The following MGAT4C variants were observed in gnomAD, a reference collection of about 807,000 sequenced individuals.
MGAT4C encodes the protein MGAT4 family member C.
MGAT4C carries 19 observed loss-of-function variants against 40.1 expected under a neutral mutation model. That is an observed-to-expected ratio of 0.47 (90% CI 0.33 to 0.70). The LOEUF (loss-of-function observed/expected upper bound fraction) is 0.70, where lower values mean the gene tolerates loss of function less well. MGAT4C is among the 30% of genes least tolerant of loss of function. The probability of loss-of-function intolerance (pLI) is 0.02; values close to 1 mark genes in which losing one functional copy is unlikely to be tolerated. For synonymous variants in MGAT4C, 181 were observed against 187.1 expected (o/e 0.97, Z 0.27); for missense variants, 491 against 563.2 (o/e 0.87, Z 1.30).
At chr12:86,566,587 T>C (rs1960130255) in intron 2 of MGAT4C, among the ~76,000 whole-genome samples, 1 of 139,384 alleles carries the variant, frequency 7.2e-6, no homozygotes, top group Non-Finnish European at 1.6e-5. Context: ...TATATGTATA[T>C]ATATGTATTA....
intron 2 of MGAT4C, among the ~76,000 whole-genome samples, chr12:86,716,252 T>C (rs766839289): frequency 6.6e-6 from 1 of 152,144 alleles, no homozygotes; most frequent in Non-Finnish European, 1.5e-5. Context: ...AACTACTGAA[T>C]TTGTGCCAAA....
intron 2 of MGAT4C, among the ~76,000 whole-genome samples, chr12:86,726,343 G>A (rs1244482068): frequency 6.6e-6 from 1 of 152,164 alleles, no homozygotes; most frequent in African/African-American, 2.4e-5. Flanking sequence ...GCAGGTGACA[G>A]GTCTGATAGA....
chr12:86,601,894 T>C lies in MGAT4C; in HGVS notation c.-229+125315A>G, dbSNP rs142490552. 6.8e-4 allele frequency among the ~76,000 whole-genome samples: 103 copies of C among 152,334 alleles called. 1 individual carries two copies. In the East Asian group the frequency reaches 0.017, roughly 25 times the overall value. On this transcript the variant is annotated intron_variant, in intron 2 of 7. Coordinates refer to the MGAT4C transcript ENST00000548651. The stretch of plus-strand genomic sequence containing the variant: ...TGGGAGTCCATGCCTTCAGGCTCTC[T>C]GACCCAGGGCTGTAACATGCTGTAA...
chr12:86,117,000 A>T (rs1878536197), intron 1 of MGAT4C, among the ~76,000 whole-genome samples: 1 of 152,100 alleles, frequency 6.6e-6, no homozygotes, highest in Non-Finnish European at 1.5e-5. Flanking sequence ...AATAATATTA[A>T]TGGTAAATTA....
chr12:86,270,700 A>G (rs188945425), intron 4 of MGAT4C, among the ~76,000 whole-genome samples: 8 of 152,344 alleles, frequency 5.3e-5, no homozygotes, highest in African/African-American at 1.9e-4. Context: ...GAAAAAGAAA[A>G]GTGCAAATAG....
intron 2 of MGAT4C, among the ~76,000 whole-genome samples, chr12:86,550,889 A>G (rs1325546279): frequency 6.6e-6 from 1 of 152,168 alleles, no homozygotes; most frequent in Non-Finnish European, 1.5e-5. Flanking sequence ...CTACAGCCCT[A>G]CATTGCTTCC....
chr12:86,506,601 T>G (rs1958476476), intron 2 of MGAT4C, among the ~76,000 whole-genome samples: 1 of 152,222 alleles, frequency 6.6e-6, no homozygotes, highest in Non-Finnish European at 1.5e-5. Flanking sequence ...ATGAAAAACC[T>G]GTTTTTAATT....
At chr12:86,537,196 G>A (rs964717603) in intron 2 of MGAT4C, among the ~76,000 whole-genome samples, 2 of 151,520 alleles carry the variant, frequency 1.3e-5, no homozygotes, top group African/African-American at 2.4e-5. Context: ...ACAGGAAGGG[G>A]AACATCACAC....
chr12:86,026,640 T>C (rs1890270240), intron 2 of MGAT4C, among the ~76,000 whole-genome samples: 3 of 151,942 alleles, frequency 2.0e-5, no homozygotes, highest in Admixed American at 1.3e-4. Flanking sequence ...GGTCAAAAAG[T>C]AGTCTCATTT....
intron 2 of MGAT4C, among the ~76,000 whole-genome samples, chr12:86,020,458 C>T (rs1442474468): frequency 6.6e-6 from 1 of 152,122 alleles, no homozygotes; most frequent in Non-Finnish European, 1.5e-5. Context: ...TGATCTTTGA[C>T]AAACCTGACA....
intron 1 of MGAT4C, among the ~76,000 whole-genome samples, chr12:86,160,993 C>T (rs1465788164): frequency 2.0e-5 from 3 of 151,894 alleles, no homozygotes; most frequent in Admixed American, 2.0e-4. Flanking sequence ...TTCTTGAATA[C>T]AACAGATGGC....
At chr12:86,580,275 T>C (rs1196098849) in intron 2 of MGAT4C, among the ~76,000 whole-genome samples, 1 of 151,510 alleles carries the variant, frequency 6.6e-6, no homozygotes, top group African/African-American at 2.4e-5. Context: ...ATATTTTCTC[T>C]AGGCACTTTT....
chr12:86,109,214 G>A (rs1876767059), intron 1 of MGAT4C, among the ~76,000 whole-genome samples: 1 of 152,040 alleles, frequency 6.6e-6, no homozygotes, highest in Non-Finnish European at 1.5e-5. Context: ...TGTTCTATTT[G>A]TGTCTTCTAA....
chr12:86,774,396 CCTCTCT>C (rs148122088), intron 1 of MGAT4C, among the ~76,000 whole-genome samples: 1,756 of 92,260 alleles, frequency 0.019, 232 homozygotes, highest in Middle Eastern at 0.032. Flanking sequence ...CTCTCTCTCT[CCTCTCT>C]CTCTCTCTCT....
intron 2 of MGAT4C, among the ~76,000 whole-genome samples, chr12:86,605,003 T>C (rs1320283816): frequency 6.6e-6 from 1 of 152,070 alleles, no homozygotes; most frequent in African/African-American, 2.4e-5. Context: ...GAAGTTAATA[T>C]TTATGGACTA....
intron 1 of MGAT4C, among the ~76,000 whole-genome samples, chr12:86,227,177 G>T (rs903863654): frequency 6.6e-6 from 1 of 151,688 alleles, no homozygotes; most frequent in Non-Finnish European, 1.5e-5. Flanking sequence ...TGGCATCAAA[G>T]ATGTCATTTT....
intron 3 of MGAT4C, among the ~76,000 whole-genome samples, chr12:86,349,040 T>C (rs1352953763): frequency 6.6e-6 from 1 of 152,130 alleles, no homozygotes; most frequent in Non-Finnish European, 1.5e-5. Context: ...TTGAGCTCAA[T>C]AGCAATAAAC....
chr12:86,600,824 G>C (rs1332251347), intron 2 of MGAT4C, among the ~76,000 whole-genome samples: 1 of 152,192 alleles, frequency 6.6e-6, no homozygotes, highest in Non-Finnish European at 1.5e-5. Context: ...TTTGGACTCC[G>C]GCATCCCTGT....
chr12:86,388,109 G>A (rs1956091236), intron 3 of MGAT4C, among the ~76,000 whole-genome samples: 2 of 151,934 alleles, frequency 1.3e-5, no homozygotes, highest in Non-Finnish European at 2.9e-5. Context: ...TTCCTGCAAA[G>A]CCATTTTATA....
Sources: gnomAD v4.1 joint callset for allele counts (sites outside exome capture counted in the v4.1 genomes callset) on GRCh38, gnomAD v4.1.1 for gene constraint, MANE v1.5 for transcripts, NCBI Gene and HGNC (gene_info 2026-07-23, HGNC 2026-07-21) for gene names.